TRAF3: variants seen among roughly 807,000 people sequenced by gnomAD.
TRAF3 encodes TNF receptor-associated factor 3.
In TRAF3, 13 loss-of-function variants were observed where a neutral mutation model predicts 62.3. The ratio of observed to expected loss-of-function variants is 0.21; its 90% CI spans 0.14 to 0.33. The LOEUF is 0.33. TRAF3 is among the 10% of genes least tolerant of loss of function. The pLI, the probability that TRAF3 is intolerant of heterozygous loss-of-function variation, is 1.00. For missense variants in TRAF3, 440 were observed against 741.8 expected (o/e 0.59, Z 4.73); for synonymous variants, 269 against 283.4 (o/e 0.95, Z 0.51).
intron 1 of TRAF3, among the ~76,000 whole-genome samples, chr14:102,825,195 G>A (rs1029075405): frequency 5.9e-5 from 9 of 152,216 alleles, no homozygotes; most frequent in African/African-American, 1.2e-4. Flanking sequence ...GCGTCAGGCC[G>A]CTCAGAGCCA....
At chr14:102,857,776 C>T (rs1887456140) in intron 2 of TRAF3, among the ~76,000 whole-genome samples, 1 of 152,234 alleles carries the variant, frequency 6.6e-6, no homozygotes, top group African/African-American at 2.4e-5. Context: ...CATCAAAGTC[C>T]TGGTAAAACA....
Position 102,870,397 on chromosome 14 carries a change from A to T in TRAF3, c.196A>T (p.Thr66Ser). Residue 66 changes from threonine to serine, a missense_variant, in exon 3 of 12, where the codon ACC (threonine) becomes TCC (serine). Transcript: ENST00000392745. ...CCTGGTGCTGTGCAGCCCGAAGCAG[A>T]CCGAGTGTGGGCACCGCTTCTGCGA... ...CHLVLCSPKQ[T>S]ECGHRFCESC... The T allele has an allele frequency of 6.2e-7, 1 of 1,614,194 alleles. No individual in the cohort carries two copies. Among genetic ancestry groups the T allele is most frequent in the East Asian group, 2.2e-5 (1 of 44,890 alleles).
intron 2 of TRAF3, among the ~76,000 whole-genome samples, chr14:102,851,240 A>G (rs966789471): frequency 5.3e-5 from 8 of 152,242 alleles, no homozygotes; most frequent in African/African-American, 9.6e-5. Flanking sequence ...AATAGAACTT[A>G]ACTATTTTTA....
chr14:102,811,913 CTTTTTTTTTTTTTTT>C (rs71119743), intron 1 of TRAF3, among the ~76,000 whole-genome samples: 19 of 47,094 alleles, frequency 4.0e-4, no homozygotes, highest in African/African-American at 9.8e-4. Context: ...ATGCCTGGCC[CTTTTTTTTTTTTTTT>C]TTTTTTTTTT....
chr14:102,853,359 G>C (rs975991542), intron 2 of TRAF3, among the ~76,000 whole-genome samples: 2 of 152,034 alleles, frequency 1.3e-5, no homozygotes, highest in Admixed American at 6.5e-5. Flanking sequence ...TTTTATGTTC[G>C]TGGTGGTGGT....
chr14:102,874,650 C>T (rs200538823), intron 4 of TRAF3, among the ~76,000 whole-genome samples: 2 of 143,142 alleles, frequency 1.4e-5, no homozygotes, highest in East Asian at 2.0e-4. Context: ...TTTTCTTCTT[C>T]TTTTTTTTTT....
intron 2 of TRAF3, among the ~76,000 whole-genome samples, chr14:102,839,998 A>G (rs573107127): frequency 5.5e-4 from 84 of 152,314 alleles, no homozygotes; most frequent in Non-Finnish European, 8.8e-4. Context: ...GTCTAATTCT[A>G]CTTAGTAAGA....
chr14:102,825,186 C>T lies in TRAF3; in HGVS notation c.-156-5148C>T, dbSNP rs565821586. Among the ~76,000 whole-genome samples, 11 of 152,352 alleles carry T rather than the reference C, an allele frequency of 7.2e-5. 1 individual carries two copies. The South Asian group carries it at 1.9e-3, about 26-fold the overall frequency. ...GGAGGAGGTCATGCCAAGTCCAAAGCGTCAGGCCGCTCAGAGCCAAGCAGC... is the reference window on the plus strand; with the variant it reads ...GGAGGAGGTCATGCCAAGTCCAAAGTGTCAGGCCGCTCAGAGCCAAGCAGC... On this transcript the variant is annotated intron_variant, in intron 1 of 11. Transcript: ENST00000392745.
At chr14:102,812,351 C>G (rs1899239962) in intron 1 of TRAF3, among the ~76,000 whole-genome samples, 1 of 152,128 alleles carries the variant, frequency 6.6e-6, no homozygotes, top group East Asian at 1.9e-4. Flanking sequence ...ATTTTTATGG[C>G]TAAATAGTAG....
At chr14:102,904,921 G>A (rs1388810595) in intron 11 of TRAF3, among the ~76,000 whole-genome samples, 1 of 151,978 alleles carries the variant, frequency 6.6e-6, no homozygotes, top group Non-Finnish European at 1.5e-5. Flanking sequence ...AGACCAGCCT[G>A]GCCAACATGG....
chr14:102,903,204 A>G lies in TRAF3; in HGVS notation c.961-51A>G, dbSNP rs1890392970. 3 of 1,613,206 alleles carry G rather than the reference A, an allele frequency of 1.9e-6. No individual in the cohort carries two copies. Among genetic ancestry groups the G allele is most frequent in the South Asian group, 1.1e-5 (1 of 90,980 alleles). ...TGTATTTGATGGAAGGTGGTGCAGCATTTTCCGAGTCCTAACTGTGTTTTG... is the reference window on the plus strand; with the variant it reads ...TGTATTTGATGGAAGGTGGTGCAGCGTTTTCCGAGTCCTAACTGTGTTTTG... On this transcript the variant is annotated intron_variant, in intron 10 of 11. Transcript: ENST00000392745. This position sits in a 1 kb window ranked among gnomAD's most constrained non-coding sequence, Gnocchi z 6.4.
At chr14:102,880,532 T>C (rs1888990110) in intron 6 of TRAF3, among the ~76,000 whole-genome samples, 1 of 152,214 alleles carries the variant, frequency 6.6e-6, no homozygotes. Context: ...AGTTCAACCA[T>C]TGTGGAAGAC....
At chr14:102,796,351 C>T (rs944131203) in intron 1 of TRAF3, among the ~76,000 whole-genome samples, 13 of 152,280 alleles carry the variant, frequency 8.5e-5, no homozygotes, top group Admixed American at 5.2e-4. Context: ...TGCGTCCCTT[C>T]ATCTGTGTCT....
At chr14:102,863,500 C>T (rs938121380) in intron 2 of TRAF3, among the ~76,000 whole-genome samples, 9 of 152,162 alleles carry the variant, frequency 5.9e-5, no homozygotes, top group Non-Finnish European at 1.3e-4. Context: ...AGGCATTTGA[C>T]GGTGATCCCT....
intron 2 of TRAF3, among the ~76,000 whole-genome samples, chr14:102,838,675 C>A (rs139948142): frequency 6.6e-6 from 1 of 152,122 alleles, no homozygotes; most frequent in Admixed American, 6.5e-5. Context: ...ACAGTCGTTG[C>A]GGCTGGAGCA....
At chr14:102,792,162 T>G (rs1334899090) in intron 1 of TRAF3, among the ~76,000 whole-genome samples, 1 of 147,884 alleles carries the variant, frequency 6.8e-6, no homozygotes, top group Non-Finnish European at 1.5e-5. Context: ...TCTCACTCTT[T>G]TGCCCAGGCT....
intron 2 of TRAF3, among the ~76,000 whole-genome samples, chr14:102,840,004 T>G (rs1390069012): frequency 6.6e-6 from 1 of 152,182 alleles, no homozygotes; most frequent in Non-Finnish European, 1.5e-5. Context: ...TTCTACTTAG[T>G]AAGAAAGTTA....
chr14:102,849,396 A>G (rs1886904763), intron 2 of TRAF3, among the ~76,000 whole-genome samples: 1 of 152,254 alleles, frequency 6.6e-6, no homozygotes, highest in Admixed American at 6.5e-5. Flanking sequence ...TCCAGATGGC[A>G]GGACTCTGGT....
intron 2 of TRAF3, among the ~76,000 whole-genome samples, chr14:102,833,719 G>A (rs1460729215): frequency 6.6e-6 from 1 of 152,240 alleles, no homozygotes; most frequent in Non-Finnish European, 1.5e-5. Context: ...ATGTGGCCGG[G>A]TGCGGTGGCT....
Sources: allele counts gnomAD v4.1 joint callset (sites outside exome capture counted in the v4.1 genomes callset), GRCh38; gene constraint gnomAD v4.1.1; non-coding constraint Gnocchi (gnomAD v3.1); transcripts MANE v1.5; gene names NCBI Gene and HGNC (gene_info 2026-07-23, HGNC 2026-07-21).